The following GRID2 variants were observed in gnomAD, a reference collection of about 807,000 sequenced individuals.
GRID2 encodes glutamate receptor ionotropic, delta-2.
GRID2 carries 33 observed loss-of-function variants against 114.8 expected under a neutral mutation model. That is an observed-to-expected ratio of 0.29 (90% confidence interval 0.22 to 0.38). The LOEUF (loss-of-function observed/expected upper bound fraction) is 0.38. GRID2 is among the 10% of genes least tolerant of loss of function. The probability of loss-of-function intolerance (pLI) is 1.00; values close to 1 mark genes in which losing one functional copy is unlikely to be tolerated. For missense variants in GRID2, 1,184 were observed against 1,257.7 expected (o/e 0.94, Z 0.89); for synonymous variants, 505 against 449.9 (o/e 1.12, Z -1.55).
Position 93,108,874 on chromosome 4 carries a change from C to T in GRID2, c.530-1874C>T, listed in dbSNP as rs542994198. On this transcript the variant is annotated intron_variant, in intron 3 of 15. Coordinates refer to ENST00000282020, the MANE Select transcript of GRID2 (RefSeq NM_001510.4). The stretch of plus-strand genomic sequence containing the variant: ...TCAAGCTCCTGACCTCATGATCTGC[C>T]CCCCTCGGTCTCCCAAAGTCCTGGG... Among the ~76,000 whole-genome samples, 306 of 152,116 alleles carry T rather than the reference C, an allele frequency of 2.0e-3. 2 individuals carry two copies. Among genetic ancestry groups the T allele is most frequent in the African/African-American group, 7.3e-3 (301 of 41,498 alleles).
At chr4:93,703,178 G>T (rs1473687101) in intron 14 of GRID2, among the ~76,000 whole-genome samples, 1 of 151,978 alleles carries the variant, frequency 6.6e-6, no homozygotes, top group Admixed American at 6.6e-5. Flanking sequence ...TGTCCCTATT[G>T]TAAATTGCTA....
chr4:92,505,536 A>G (rs1055106962), intron 1 of GRID2, among the ~76,000 whole-genome samples: 6 of 152,014 alleles, frequency 3.9e-5, no homozygotes, highest in African/African-American at 1.4e-4. Context: ...CCCACGGGTT[A>G]GTGTTGTAAT....
intron 2 of GRID2, among the ~76,000 whole-genome samples, chr4:92,771,505 G>C (rs1437267803): frequency 6.6e-6 from 1 of 152,006 alleles, no homozygotes. Context: ...TCCCTCTTTT[G>C]GTTGGAGTGT....
In GRID2 at chr4:93,144,568, G is replaced by T. The variant is rs1579107861; in HGVS notation, c.735+33615G>T. 2.6e-5 allele frequency among the ~76,000 whole-genome samples: 4 copies of T among 152,236 alleles called. No homozygotes were observed. In the East Asian group the frequency reaches 7.7e-4, roughly 29 times the overall value. On this transcript the variant is annotated intron_variant, in intron 4 of 15. Transcript: ENST00000282020. Reference sequence around the variant, plus strand: ...ACCTGTGGTTCCTAGTAAGGGGTGAGAATTTTCATGTGTAGGAATTAGCCC... The same window carrying T: ...ACCTGTGGTTCCTAGTAAGGGGTGATAATTTTCATGTGTAGGAATTAGCCC...
At position 93,401,637 on chromosome 4, in the gene GRID2, T is replaced by C. The variant is rs78316883; in HGVS notation, c.1347+5929T>C. On this transcript the variant is annotated intron_variant, in intron 9 of 15. Coordinates refer to ENST00000282020, the MANE Select transcript of GRID2 (RefSeq NM_001510.4). ...TAGGAAATATACCAATTAGAAAACA[T>C]AGGACAGTAATAGCAATGAGAAAAA... Among the ~76,000 whole-genome samples the C allele has an allele frequency of 1.4e-4, 22 of 152,256 alleles. No individual in the cohort carries two copies. In the East Asian group the frequency reaches 3.1e-3, roughly 21 times the overall value.
intron 12 of GRID2, among the ~76,000 whole-genome samples, chr4:93,502,596 C>T (rs1728216814): frequency 6.6e-6 from 1 of 151,934 alleles, no homozygotes; most frequent in African/African-American, 2.4e-5. Context: ...GCCCTCCACA[C>T]TCTACTGCTA....
chr4:93,679,482 T>C (rs1233652003), intron 14 of GRID2, among the ~76,000 whole-genome samples: 5 of 150,872 alleles, frequency 3.3e-5, no homozygotes, highest in Admixed American at 6.6e-5. Flanking sequence ...TACATTTTTT[T>C]CAGCACCACA....
chr4:93,363,869 T>C (rs1201437370), intron 8 of GRID2, among the ~76,000 whole-genome samples: 1 of 151,838 alleles, frequency 6.6e-6, no homozygotes, highest in Non-Finnish European at 1.5e-5. Context: ...ATCCAAAATA[T>C]TATTTTTAGG....
chr4:93,007,762 C>A (rs1291251604), intron 2 of GRID2, among the ~76,000 whole-genome samples: 1 of 151,826 alleles, frequency 6.6e-6, no homozygotes, highest in Non-Finnish European at 1.5e-5. Context: ...ATAAAATGAC[C>A]AGGCACAGTG....
At chr4:93,292,617 C>T (rs944825769) in intron 8 of GRID2, among the ~76,000 whole-genome samples, 2 of 152,310 alleles carry the variant, frequency 1.3e-5, no homozygotes, top group South Asian at 2.1e-4. Flanking sequence ...ATGCCAGTCA[C>T]TCCATTCTTG....
At chr4:92,886,411 T>C (rs1397332842) in intron 2 of GRID2, among the ~76,000 whole-genome samples, 1 of 152,156 alleles carries the variant, frequency 6.6e-6, no homozygotes, top group Non-Finnish European at 1.5e-5. Flanking sequence ...GATTTTTAGA[T>C]GCAGGGTTGC....
At chr4:92,582,276 AAC>A (rs1380672990) in intron 1 of GRID2, among the ~76,000 whole-genome samples, 169 of 151,958 alleles carry the variant, frequency 1.1e-3, no homozygotes, top group African/African-American at 3.5e-3. Flanking sequence ...ACAACAACAA[AAC>A]TCCTTAGAAA....
intron 2 of GRID2, among the ~76,000 whole-genome samples, chr4:92,670,884 C>G (rs943098086): frequency 6.6e-6 from 1 of 151,980 alleles, no homozygotes; most frequent in Non-Finnish European, 1.5e-5. Flanking sequence ...TCTGTCCTGT[C>G]AATTACTGTA....
intron 2 of GRID2, among the ~76,000 whole-genome samples, chr4:92,987,763 C>A (rs370747477): frequency 1.8e-4 from 27 of 151,850 alleles, no homozygotes; most frequent in African/African-American, 6.0e-4. Context: ...AATATTAAAA[C>A]AAAAAATATA....
intron 5 of GRID2, among the ~76,000 whole-genome samples, chr4:93,208,467 G>A (rs537127649): frequency 4.6e-5 from 7 of 152,030 alleles, no homozygotes; most frequent in African/African-American, 1.7e-4. Flanking sequence ...GAATGGTACT[G>A]CGATAATGAT....
intron 14 of GRID2, among the ~76,000 whole-genome samples, chr4:93,714,309 A>G (rs1391215744): frequency 6.6e-6 from 1 of 152,078 alleles, no homozygotes; most frequent in Admixed American, 6.5e-5. Context: ...CATGGTTTAT[A>G]TGGGCCACAT....
At chr4:92,936,739 G>A (rs949806175) in intron 2 of GRID2, among the ~76,000 whole-genome samples, 1 of 145,970 alleles carries the variant, frequency 6.9e-6, no homozygotes. Flanking sequence ...CAATTTTTCT[G>A]CCTCTGGCCA....
chr4:92,748,092 C>A (rs1737244162), intron 2 of GRID2, among the ~76,000 whole-genome samples: 1 of 152,134 alleles, frequency 6.6e-6, no homozygotes, highest in African/African-American at 2.4e-5. Context: ...TGGTCCTGCT[C>A]AGCCTGAGGA....
At chr4:92,857,508 C>G (rs1376918136) in intron 2 of GRID2, among the ~76,000 whole-genome samples, 1 of 152,176 alleles carries the variant, frequency 6.6e-6, no homozygotes, top group East Asian at 1.9e-4. Context: ...CACAGCATTT[C>G]TTTAAGTCAA....
Sources: allele counts gnomAD v4.1 joint callset (sites outside exome capture counted in the v4.1 genomes callset), GRCh38; gene constraint gnomAD v4.1.1; transcripts MANE v1.5; gene names NCBI Gene and HGNC (gene_info 2026-07-23, HGNC 2026-07-21).